MEGF10: variants seen among roughly 807,000 people sequenced by gnomAD.
MEGF10 encodes multiple EGF like domains 10, also known as multiple epidermal growth factor-like domains protein 10.
In MEGF10, 86 loss-of-function variants were observed where a neutral mutation model predicts 147.5. That is an observed-to-expected ratio of 0.58 (90% CI 0.49 to 0.70). The LOEUF is 0.70. Among genes scored for constraint, MEGF10 ranks in the 30% least tolerant of loss-of-function variants. The probability of loss-of-function intolerance (pLI) is 0.00; values close to 1 mark genes in which losing one functional copy is unlikely to be tolerated. For synonymous variants in MEGF10, 478 were observed against 525.5 expected, an observed-to-expected ratio of 0.91 and a Z score of 1.24; for missense variants, 1,329 against 1,487.3, an observed-to-expected ratio of 0.89 and a Z score of 1.75.
At position 127,445,566 on chromosome 5, in the gene MEGF10, A is replaced by G. The variant is rs749648675; in HGVS notation, c.2601A>G (p.Leu867=). 1.1e-5 allele frequency: 17 copies of G among 1,613,788 alleles called. No individual in the cohort carries two copies. In the African/African-American group the frequency reaches 1.3e-4, roughly 13 times the overall value. Residue 867 remains leucine, a synonymous_variant, in exon 20 of 25, where the codon CTA becomes CTG. Coordinates refer to ENST00000503335, the MANE Select transcript of MEGF10 (RefSeq NM_001256545.2). ...TTGCAGGCATCATCATTCTTGTCCT[A>G]GTTGTTCTCTTCCTACTGGCATTGT... ...GAIAGIIILV[L]VVLFLLALFI... is the part of the protein sequence containing the mutation.
chr5:127,293,587 C>T (rs1406361288), intron 1 of MEGF10, among the ~76,000 whole-genome samples: 1 of 152,188 alleles, frequency 6.6e-6, no homozygotes, highest in Non-Finnish European at 1.5e-5. Context: ...AAACTCAAGT[C>T]ACATGCTCAT....
At position 127,369,891 on chromosome 5, in the gene MEGF10, T is replaced by C; in HGVS notation, c.320-19T>C. ...TCTTGTGCCAACTTTCTTTATTTGA[T>C]TGATTTTCTCTCTGACAGCCCACTG... is the stretch of plus-strand genomic sequence containing the variant. On this transcript the variant is annotated intron_variant, in intron 4 of 24. Transcript: ENST00000503335. The C allele has an allele frequency of 1.3e-6, 2 of 1,588,842 alleles. No individual in the cohort carries two copies. Among genetic ancestry groups the C allele is most frequent in the Non-Finnish European group, 1.7e-6 (2 of 1,166,200 alleles).
chr5:127,396,058 G>A (rs961427540), intron 5 of MEGF10, among the ~76,000 whole-genome samples: 10 of 152,068 alleles, frequency 6.6e-5, no homozygotes, highest in Non-Finnish European at 1.3e-4. Context: ...GTAGGAGGAG[G>A]CAAATCTGTG....
At chr5:127,278,767 C>T in the MEGF10 span, among the ~76,000 whole-genome samples, 1 of 152,060 alleles carries the variant, frequency 6.6e-6, no homozygotes, top group African/African-American at 2.4e-5. Flanking sequence ...TCAGTTTTCT[C>T]AGTGAAATAG....
intron 1 of MEGF10, among the ~76,000 whole-genome samples, chr5:127,320,180 A>T (rs887959409): frequency 6.6e-6 from 1 of 152,182 alleles, no homozygotes; most frequent in Non-Finnish European, 1.5e-5. Context: ...GAAATAAAAC[A>T]GAGAGGGAGC....
chr5:127,371,110 A>AG (rs1179897522), intron 5 of MEGF10, among the ~76,000 whole-genome samples: 1 of 151,820 alleles, frequency 6.6e-6, no homozygotes, highest in Non-Finnish European at 1.5e-5. Context: ...CAGCTTCTCC[A>AG]GGGGAAGCCC....
intron 22 of MEGF10, among the ~76,000 whole-genome samples, chr5:127,453,532 C>G (rs1357549617): frequency 6.6e-6 from 1 of 152,166 alleles, no homozygotes; most frequent in Non-Finnish European, 1.5e-5. Context: ...ATGACAAAAA[C>G]CCTGGAAGGC....
intron 1 of MEGF10, among the ~76,000 whole-genome samples, chr5:127,321,069 A>G (rs144355010): frequency 6.9e-4 from 105 of 152,326 alleles, no homozygotes; most frequent in African/African-American, 2.2e-3. Context: ...GTGAAGTGTT[A>G]TTTTAGAAAG....
In MEGF10 at chr5:127,396,675, A is replaced by G. The variant is rs1763927536; in HGVS notation, c.556A>G (p.Thr186Ala). ...CTGCGAGGACCGCTGTGAGCAGGGC[A>G]CCTATGGTAACGACTGTCATCAGAG... ...WRCEDRCEQGTYGNDCHQRCQ... is the reference protein window; with the variant it reads ...WRCEDRCEQGAYGNDCHQRCQ... The change falls in exon 6 of 25, where the codon ACC becomes GCC. Residue 186 changes from threonine to alanine, a missense_variant. By Grantham distance (58) the Thr-to-Ala change is moderately conservative. Coordinates refer to ENST00000503335, the MANE Select transcript of MEGF10 (RefSeq NM_001256545.2). The G allele has an allele frequency of 1.2e-6, 2 of 1,614,054 alleles. No homozygotes were observed. Among genetic ancestry groups the G allele is most frequent in the Non-Finnish European group, 8.5e-7 (1 of 1,180,034 alleles).
At chr5:127,425,683 T>G (rs558502296) in intron 13 of MEGF10, among the ~76,000 whole-genome samples, 3 of 152,248 alleles carry the variant, frequency 2.0e-5, no homozygotes. Flanking sequence ...TTTCATTGTC[T>G]GCACTGGACA....
the MEGF10 span, among the ~76,000 whole-genome samples, chr5:127,239,915 C>G: frequency 1.3e-5 from 2 of 152,164 alleles, no homozygotes; most frequent in African/African-American, 4.8e-5. Context: ...TTCTACCCAG[C>G]CCCAGCTACT....
chr5:127,447,982 G>A (rs537303190), intron 21 of MEGF10, among the ~76,000 whole-genome samples: 2 of 152,042 alleles, frequency 1.3e-5, no homozygotes, highest in Non-Finnish European at 2.9e-5. Context: ...CCATTACACC[G>A]CTTTAGAAAA....
In MEGF10 at chr5:127,440,620, T is replaced by C. The variant is rs574081447; in HGVS notation, c.2234-119T>C. The C allele has an allele frequency of 5.0e-5, 52 of 1,030,226 alleles. 1 individual carries two copies. In the South Asian group the frequency reaches 5.1e-4, roughly 10 times the overall value. The allele number at this position is 1,030,226 out of a possible 1,614,324, so 63.8% of individuals were successfully genotyped here. A position where few individuals can be genotyped will look rare whatever the true frequency, so the allele number is the denominator to read the frequency against. The stretch of plus-strand genomic sequence containing the variant: ...GCAAGCTCAGATATGTACTATTCAC[T>C]GTATTCTCTGATGGCTCAGTGTCAT... On this transcript the variant is annotated intron_variant, in intron 17 of 24. Coordinates refer to ENST00000503335, the MANE Select transcript of MEGF10 (RefSeq NM_001256545.2).
chr5:127,448,933 C>T (rs1766050641), intron 21 of MEGF10, among the ~76,000 whole-genome samples, 166 bp from the exon 22 acceptor site: 1 of 152,022 alleles, frequency 6.6e-6, no homozygotes, highest in Admixed American at 6.6e-5. Context: ...CTCCTGCCAG[C>T]TTGCAAGTCC....
At position 127,396,643 on chromosome 5, in the gene MEGF10, G is replaced by C; in HGVS notation, c.524G>C (p.Gly175Ala). 6.2e-7 allele frequency: 1 copy of C among 1,614,086 alleles called. No individual in the cohort carries two copies. Among genetic ancestry groups the C allele is most frequent in the Non-Finnish European group, 8.5e-7 (1 of 1,180,020 alleles). ...TGCCACTGTGCTGCGGGCTTCCGGG[G>C]CTGGCGCTGCGAGGACCGCTGTGAG... Reference protein sequence around the residue: ...GACHCAAGFRGWRCEDRCEQG... With the variant: ...GACHCAAGFRAWRCEDRCEQG... The change falls in exon 6 of 25, where the codon GGC becomes GCC. Residue 175 changes from glycine to alanine, a missense_variant. Coordinates refer to ENST00000503335, the MANE Select transcript of MEGF10 (RefSeq NM_001256545.2).
chr5:127,331,735 T>C (rs372336928), intron 2 of MEGF10, among the ~76,000 whole-genome samples: 58 of 152,102 alleles, frequency 3.8e-4, no homozygotes, highest in African/African-American at 1.4e-3. Flanking sequence ...TTTGCATTAA[T>C]TTTGGGGAGC....
chr5:127,229,420 C>A, the MEGF10 span: 1 of 151,820 alleles, frequency 6.6e-6, no homozygotes, highest in Non-Finnish European at 1.5e-5. Flanking sequence ...GCCTCGTCCT[C>A]GCGCCGGCGA....
At chr5:127,242,811 G>A in the MEGF10 span, among the ~76,000 whole-genome samples, 23 of 152,180 alleles carry the variant, frequency 1.5e-4, no homozygotes, top group African/African-American at 5.3e-4. Context: ...TTTGATCTCC[G>A]TTGCCCCCAG....
intron 5 of MEGF10, among the ~76,000 whole-genome samples, chr5:127,378,309 A>G (rs997193686): frequency 6.6e-6 from 1 of 152,222 alleles, no homozygotes; most frequent in Non-Finnish European, 1.5e-5. Flanking sequence ...ATATAATGAC[A>G]AGTAAATGCT....
Sources: gnomAD v4.1 joint callset for allele counts (sites outside exome capture counted in the v4.1 genomes callset) on GRCh38, gnomAD v4.1.1 for gene constraint, MANE v1.5 for transcripts, NCBI Gene and HGNC (gene_info 2026-07-23, HGNC 2026-07-21) for gene names.